TEX11: variants seen among roughly 807,000 people sequenced by gnomAD.
TEX11 encodes testis-expressed protein 11.
Under a neutral mutation model 84.4 loss-of-function variants are expected in TEX11, and 7 were observed. The observed-to-expected ratio is 0.08, with a 90% CI of 0.05 to 0.16. The LOEUF is 0.16. TEX11 is among the 10% of genes least tolerant of loss of function. The probability of loss-of-function intolerance (pLI) is 1.00; values close to 1 mark genes in which losing one functional copy is unlikely to be tolerated. For synonymous variants in TEX11, 264 were observed against 222.8 expected, an observed-to-expected ratio of 1.18 and a Z score of -1.64; for missense variants, 551 against 660.5, an observed-to-expected ratio of 0.83 and a Z score of 1.82.
intron 13 of TEX11, among the ~76,000 whole-genome samples, chrX:70,707,962 T>TA (rs886462408): frequency 2.6e-4 from 29 of 109,865 alleles, no homozygotes; most frequent in Non-Finnish European, 4.4e-4. Flanking sequence ...CTGCACAGCA[T>TA]AAAAAAAATC....
At chrX:70,722,945 A>C (rs963313058) in intron 12 of TEX11, among the ~76,000 whole-genome samples, 22 of 111,972 alleles carry the variant, frequency 2.0e-4, no homozygotes, top group African/African-American at 7.1e-4. Context: ...ACTTGGCAAT[A>C]CTATACGCTA....
intron 13 of TEX11, among the ~76,000 whole-genome samples, chrX:70,685,393 C>T (rs750976470): frequency 2.7e-5 from 3 of 111,804 alleles, no homozygotes; most frequent in South Asian, 3.8e-4. Flanking sequence ...GACAACTGGA[C>T]ATCCACCTGC....
chrX:70,662,617 A>G (rs905655457), intron 16 of TEX11, among the ~76,000 whole-genome samples: 1 of 111,613 alleles, frequency 9.0e-6, no homozygotes, highest in Non-Finnish European at 1.9e-5. Flanking sequence ...GCCAGAGAGA[A>G]AGGTCGGGTT....
intron 25 of TEX11, among the ~76,000 whole-genome samples, chrX:70,578,953 G>A (rs1265337808): frequency 2.8e-5 from 3 of 107,086 alleles, no homozygotes; most frequent in African/African-American, 1.0e-4. Context: ...CGTATTTTTA[G>A]TAGAGACAGG....
chrX:70,818,160 G>A (rs749619307), intron 8 of TEX11, among the ~76,000 whole-genome samples: 10 of 110,561 alleles, frequency 9.0e-5, no homozygotes, highest in Non-Finnish European at 1.1e-4. Flanking sequence ...GTGGTGACGC[G>A]CGCCTGGAAT....
intron 25 of TEX11, among the ~76,000 whole-genome samples, chrX:70,573,337 T>C: frequency 8.9e-6 from 1 of 111,800 alleles, no homozygotes; most frequent in Non-Finnish European, 1.9e-5. Context: ...AGTGAAGACT[T>C]TTAGGATCCA....
intron 3 of TEX11, among the ~76,000 whole-genome samples, chrX:70,873,608 A>G (rs1354469635): frequency 1.8e-5 from 2 of 112,017 alleles, no homozygotes; most frequent in Non-Finnish European, 3.8e-5. Context: ...AGTCTCACCA[A>G]CAACATAAAT....
chrX:70,835,187 T>C (rs1020613848), intron 7 of TEX11, among the ~76,000 whole-genome samples: 6 of 111,962 alleles, frequency 5.4e-5, no homozygotes, highest in Non-Finnish European at 7.5e-5. Flanking sequence ...AATCTTACTA[T>C]AAAAGAGAAA....
chrX:70,559,635 C>G (rs1315242006), intron 25 of TEX11, among the ~76,000 whole-genome samples: 1 of 112,187 alleles, frequency 8.9e-6, no homozygotes, highest in Non-Finnish European at 1.9e-5. Flanking sequence ...ACTTCTTTTA[C>G]TCATAATGTC....
intron 13 of TEX11, among the ~76,000 whole-genome samples, chrX:70,710,205 C>G (rs2090415047): frequency 9.0e-6 from 1 of 111,254 alleles, no homozygotes; most frequent in Non-Finnish European, 1.9e-5. Context: ...AAAAATTATG[C>G]ACCAATACGC....
chrX:70,580,983 GTTT>G (rs1222135981), intron 25 of TEX11, among the ~76,000 whole-genome samples: 1 of 110,996 alleles, frequency 9.0e-6, no homozygotes, highest in African/African-American at 3.3e-5. Context: ...ACTAAGCACA[GTTT>G]TTTGTTTTTG....
intron 7 of TEX11, among the ~76,000 whole-genome samples, chrX:70,838,418 G>A (rs2091418601): frequency 8.9e-6 from 1 of 111,910 alleles, no homozygotes; most frequent in African/African-American, 3.2e-5. Context: ...GCAAGACTTG[G>A]TCTCAGAACA....
At chrX:70,856,100 A>T (rs764021987) in intron 5 of TEX11, among the ~76,000 whole-genome samples, 2 of 112,143 alleles carry the variant, frequency 1.8e-5, no homozygotes, top group Non-Finnish European at 3.8e-5. Flanking sequence ...CATAGGCACA[A>T]GGCAATTCAT....
At chrX:70,793,024 C>T (rs1186947276) in intron 9 of TEX11, among the ~76,000 whole-genome samples, 1 of 111,475 alleles carries the variant, frequency 9.0e-6, no homozygotes, top group Non-Finnish European at 1.9e-5. Context: ...TCCTGGGATA[C>T]AAGATTGGTT....
chrX:70,840,576 G>A (rs1040224820), intron 7 of TEX11, among the ~76,000 whole-genome samples: 2 of 111,286 alleles, frequency 1.8e-5, no homozygotes, highest in East Asian at 2.8e-4. Flanking sequence ...ATCAACTATC[G>A]AGCAAAATGA....
rs769506890 is a variant in TEX11, at chrX:70,759,852, T to G, written c.693-15633A>C. Among the ~76,000 whole-genome samples the G allele has an allele frequency of 4.5e-5, 5 of 111,746 alleles. No homozygotes were observed. The South Asian group carries it at 1.9e-3, about 43-fold the overall frequency. On this transcript the variant is annotated intron_variant, in intron 9 of 29. Coordinates refer to ENST00000374333, the MANE Select transcript of TEX11 (RefSeq NM_031276.3). ...GCTGTTTGCAGATGACATGATTGTA[T>G]ATTTAGAAAACCCCATCCTCTCAGC...
intron 15 of TEX11, among the ~76,000 whole-genome samples, chrX:70,674,226 T>C (rs1357806716): frequency 2.7e-5 from 3 of 112,431 alleles, no homozygotes; most frequent in African/African-American, 9.7e-5. Context: ...GCAAAAGACA[T>C]GATCTTTTCT....
In TEX11 at chrX:70,597,117, C is replaced by G. The variant is rs147719999; in HGVS notation, c.2068-5294G>C. On this transcript the variant is annotated intron_variant, in intron 24 of 29. Coordinates refer to ENST00000374333, the MANE Select transcript of TEX11 (RefSeq NM_031276.3). The stretch of plus-strand genomic sequence containing the variant: ...CAAAAAGTAGTGAAAAATTTATAAT[C>G]TGAAAACCACAAAACATTGTTGAAA... Among the ~76,000 whole-genome samples the G allele has an allele frequency of 7.6e-4, 85 of 112,088 alleles. 1 individual carries two copies. Among genetic ancestry groups the G allele is most frequent in the Middle Eastern group, 4.6e-3 (1 of 216 alleles).
chrX:70,868,808 A>G (rs1247346510), intron 4 of TEX11, among the ~76,000 whole-genome samples: 1 of 110,006 alleles, frequency 9.1e-6, no homozygotes, highest in Non-Finnish European at 1.9e-5. Flanking sequence ...GTTCTCACTC[A>G]TAAGTGGGAG....
Sources: gnomAD v4.1 joint callset for allele counts (sites outside exome capture counted in the v4.1 genomes callset) on GRCh38, gnomAD v4.1.1 for gene constraint, MANE v1.5 for transcripts, NCBI Gene and HGNC (gene_info 2026-07-23, HGNC 2026-07-21) for gene names.